The following GUCY1A2 variants were observed in gnomAD, a reference collection of about 807,000 sequenced individuals.
GUCY1A2 encodes guanylate cyclase 1 soluble subunit alpha 2, also known as guanylate cyclase soluble subunit alpha-2.
In GUCY1A2, 27 loss-of-function variants were observed where a neutral mutation model predicts 63.5. The ratio of observed to expected loss-of-function variants is 0.43; its 90% CI spans 0.31 to 0.59. GUCY1A2 has a LOEUF of 0.59. Among genes scored for constraint, GUCY1A2 ranks in the 20% least tolerant of loss-of-function variants. The pLI, the probability that GUCY1A2 is intolerant of heterozygous loss-of-function variation, is 0.11. For missense variants in GUCY1A2, 768 were observed against 913.3 expected (o/e 0.84, Z 2.05); for synonymous variants, 364 against 343.5 (o/e 1.06, Z -0.66).
chr11:106,877,091 A>G (rs1859760388), intron 4 of GUCY1A2, among the ~76,000 whole-genome samples: 1 of 152,078 alleles, frequency 6.6e-6, no homozygotes. Flanking sequence ...AGCCTTTAGA[A>G]GTTGAAAAAG....
At chr11:106,717,722 T>C (rs1863239909) in intron 6 of GUCY1A2, among the ~76,000 whole-genome samples, 2 of 152,212 alleles carry the variant, frequency 1.3e-5, no homozygotes, top group Non-Finnish European at 2.9e-5. Context: ...AAAATCATTG[T>C]GCACATTGTG....
chr11:106,850,849 TA>T (rs943159267), intron 4 of GUCY1A2, among the ~76,000 whole-genome samples: 2 of 151,914 alleles, frequency 1.3e-5, no homozygotes, highest in African/African-American at 4.8e-5. Context: ...TGGCTTTGGA[TA>T]AATACTCAGT....
chr11:106,967,485 T>C lies in GUCY1A2; in HGVS notation c.487+11134A>G, dbSNP rs565776490. ...TTAGTTTGAACAAAACCCTATTGCA[T>C]GTCATTGTGGAATTAATGACATGGG... On this transcript the variant is annotated intron_variant, in intron 3 of 7. Transcript: ENST00000526355. 9.4e-4 allele frequency among the ~76,000 whole-genome samples: 143 copies of C among 152,302 alleles called. 3 individuals carry two copies. The South Asian group carries it at 0.028, about 30-fold the overall frequency.
chr11:106,687,890 GC>G, intron 7 of GUCY1A2, 134 bp from the exon 8 acceptor site: 1 of 619,712 alleles, frequency 1.6e-6, no homozygotes, highest in Non-Finnish European at 2.9e-6. Flanking sequence ...TATAGATGTG[GC>G]CTTCATCAGA....
Position 106,721,065 on chromosome 11 carries a change from A to ATTTTT in GUCY1A2, c.1837-12404_1837-12400dup, listed in dbSNP as rs71041688. Among the ~76,000 whole-genome samples the ATTTTT allele has an allele frequency of 7.9e-3, 1,143 of 145,050 alleles. 29 individuals are homozygous for ATTTTT. Among genetic ancestry groups the ATTTTT allele is most frequent in the African/African-American group, 0.027 (1,040 of 38,870 alleles). On this transcript the variant is annotated intron_variant, in intron 6 of 7. Transcript: ENST00000526355. ...ACCAATAAAAAGGACATATTTGCAA[A>ATTTTT]TTTTTTTTTTTTTTTGAGACAGAGT...
chr11:106,676,962 G>A lies in GUCY1A2; in HGVS notation c.*10587C>T, dbSNP rs565070807. ...ATTTTTATAGACCCACATTTCTCTT[G>A]ACTGACAGTCTCTGGAAGTCAAGGT... On this transcript the variant is annotated 3_prime_UTR_variant, in exon 8 of 8. Coordinates refer to ENST00000526355, the MANE Select transcript of GUCY1A2 (RefSeq NM_000855.3). 55 of 211,108 alleles carry A rather than the reference G, an allele frequency of 2.6e-4. No homozygotes were observed. The highest frequency in any genetic ancestry group is 4.7e-4 in the Admixed American group (8 of 16,960). 13.1% of individuals were successfully genotyped at this position (211,108 alleles called of 1,614,324 possible).
Position 106,956,596 on chromosome 11 carries a change from G to A in GUCY1A2, c.488-16418C>T, listed in dbSNP as rs1049440029. ...ACTTCAGGTCGTATTCATGTGATTC[G>A]CTCCAGTTCCTGGAGATGTCATTCA... On this transcript the variant is annotated intron_variant, in intron 3 of 7. Coordinates refer to ENST00000526355, the MANE Select transcript of GUCY1A2 (RefSeq NM_000855.3). Among the ~76,000 whole-genome samples, 7 of 152,188 alleles carry A rather than the reference G, an allele frequency of 4.6e-5. 1 individual carries two copies. The South Asian group carries it at 1.2e-3, about 27-fold the overall frequency.
intron 4 of GUCY1A2, among the ~76,000 whole-genome samples, chr11:106,858,400 AATACTCATC>A (rs1392061850): frequency 6.6e-6 from 1 of 152,146 alleles, no homozygotes; most frequent in African/African-American, 2.4e-5. Context: ...CTATAATGTC[AATACTCATC>A]ATATATTTAG....
intron 4 of GUCY1A2, among the ~76,000 whole-genome samples, chr11:106,814,158 G>A (rs1858800603): frequency 6.6e-6 from 1 of 152,084 alleles, no homozygotes; most frequent in African/African-American, 2.4e-5. Context: ...TGAAAAGAGA[G>A]AAGTTGTTGC....
At chr11:106,769,767 T>C (rs1158122) in intron 6 of GUCY1A2, among the ~76,000 whole-genome samples, 141,051 of 152,078 alleles carry the variant, frequency 0.93, 65,488 homozygotes, top group East Asian at 1. Context: ...AATTGATAAA[T>C]GTGAGAAATG....
At position 106,719,462 on chromosome 11, in the gene GUCY1A2, C is replaced by G. The variant is rs1006005709; in HGVS notation, c.1837-10796G>C. ...GTTATTAATTCATTCATCTAAATTACTCAGAGAAAAAACAATGCATTTGAC... is the reference window on the plus strand; with the variant it reads ...GTTATTAATTCATTCATCTAAATTAGTCAGAGAAAAAACAATGCATTTGAC... On this transcript the variant is annotated intron_variant, in intron 6 of 7. Coordinates refer to ENST00000526355, the MANE Select transcript of GUCY1A2 (RefSeq NM_000855.3). 3.9e-5 allele frequency among the ~76,000 whole-genome samples: 6 copies of G among 152,078 alleles called. No homozygotes were observed. The East Asian group carries it at 1.2e-3, about 29-fold the overall frequency.
In GUCY1A2 at chr11:106,761,218, G is replaced by T. The variant is rs1268234829; in HGVS notation, c.1836+15221C>A. ...CTTAAGTATAATCAAATACTTTTTT[G>T]ATATCTTTTTATCATGTATGAAATG... On this transcript the variant is annotated intron_variant, in intron 6 of 7. Transcript: ENST00000526355. Among the ~76,000 whole-genome samples the T allele has an allele frequency of 3.3e-5, 5 of 152,112 alleles. No homozygotes were observed. In the South Asian group the frequency reaches 1.0e-3, roughly 32 times the overall value.
chr11:107,003,218 T>C (rs1305369258), intron 1 of GUCY1A2, among the ~76,000 whole-genome samples: 1 of 152,152 alleles, frequency 6.6e-6, no homozygotes, highest in African/African-American at 2.4e-5. Context: ...AACTTTGTTA[T>C]ATAGGTCTTT....
chr11:106,925,541 T>G (rs1188712127), intron 4 of GUCY1A2, among the ~76,000 whole-genome samples: 1 of 152,206 alleles, frequency 6.6e-6, no homozygotes, highest in African/African-American at 2.4e-5. Context: ...AATAAATACT[T>G]AGATGATCAT....
At chr11:106,727,852 C>A (rs1863434105) in intron 6 of GUCY1A2, among the ~76,000 whole-genome samples, 1 of 152,158 alleles carries the variant, frequency 6.6e-6, no homozygotes, top group Admixed American at 6.5e-5. Context: ...TCTAATTTCT[C>A]CACCTGACTC....
chr11:106,933,732 G>T (rs1039613261), intron 4 of GUCY1A2, among the ~76,000 whole-genome samples: 1 of 152,148 alleles, frequency 6.6e-6, no homozygotes, highest in African/African-American at 2.4e-5. Flanking sequence ...AGACAATGTA[G>T]TACATATATA....
intron 4 of GUCY1A2, among the ~76,000 whole-genome samples, chr11:106,937,428 T>C (rs953877658): frequency 2.6e-5 from 4 of 152,168 alleles, no homozygotes; most frequent in South Asian, 2.1e-4. Flanking sequence ...TTAAAATGAA[T>C]TAATTTTTCC....
At chr11:107,013,479 T>C (rs181471434) in intron 1 of GUCY1A2, among the ~76,000 whole-genome samples, 160 of 152,356 alleles carry the variant, frequency 1.1e-3, no homozygotes, top group African/African-American at 3.8e-3. Flanking sequence ...AACTATTATA[T>C]TATTTTAAAA....
At chr11:106,969,341 A>C (rs1003389354) in intron 3 of GUCY1A2, among the ~76,000 whole-genome samples, 1 of 152,200 alleles carries the variant, frequency 6.6e-6, no homozygotes, top group Non-Finnish European at 1.5e-5. Flanking sequence ...AATTTTCACT[A>C]ACTGTCAGAA....
Sources: gnomAD v4.1 joint callset for allele counts (sites outside exome capture counted in the v4.1 genomes callset) on GRCh38, gnomAD v4.1.1 for gene constraint, MANE v1.5 for transcripts, NCBI Gene and HGNC (gene_info 2026-07-23, HGNC 2026-07-21) for gene names.